Variants in NAV1 observed in about 807,000 individuals in gnomAD.
The protein encoded by NAV1 is pore membrane and/or filament interacting like protein 3.
A neutral mutation model predicts 175.2 loss-of-function variants in NAV1; 18 were observed. The ratio of observed to expected loss-of-function variants is 0.10; its 90% CI spans 0.07 to 0.15. NAV1 has a LOEUF of 0.15. Among genes scored for constraint, NAV1 ranks in the 10% least tolerant of loss-of-function variants. The pLI is 1.00. For synonymous variants in NAV1, 897 were observed against 978.7 expected, an observed-to-expected ratio of 0.92 and a Z score of 1.56; for missense variants, 1,731 against 2,436.6, an observed-to-expected ratio of 0.71 and a Z score of 6.10.
intron 1 of NAV1, among the ~76,000 whole-genome samples, chr1:201,550,117 C>G (rs1468884366): frequency 6.6e-6 from 1 of 151,538 alleles, no homozygotes; most frequent in Non-Finnish European, 1.5e-5. Flanking sequence ...CAACACCCTA[C>G]ATCCCACATG....
In NAV1 at chr1:201,781,764, C is replaced by T. The variant is rs181357687; in HGVS notation, c.1664-412C>T. Among the ~76,000 whole-genome samples the T allele has an allele frequency of 1.2e-3, 176 of 152,284 alleles. 2 individuals are homozygous for T. Among genetic ancestry groups the T allele is most frequent in the African/African-American group, 3.9e-3 (160 of 41,558 alleles). On this transcript the variant is annotated intron_variant, in intron 5 of 29. Transcript: ENST00000367296. ...ATTATAGTGCCCCCAAAGTTGGCCC[C>T]TTGGGTAACTTTTAGCCTTAATCAA...
intron 1 of NAV1, among the ~76,000 whole-genome samples, chr1:201,692,405 T>C (rs1670988128): frequency 6.6e-6 from 1 of 152,206 alleles, no homozygotes; most frequent in Non-Finnish European, 1.5e-5. Context: ...AGTTTTACTG[T>C]AGTTTTTTCA....
intron 3 of NAV1, chr1:201,739,895 G>C (rs1673291467): frequency 7.7e-7 from 1 of 1,291,062 alleles, no homozygotes; most frequent in Non-Finnish European, 9.9e-7. Flanking sequence ...GGGCAGGCGA[G>C]GGTTAGGTTT....
Position 201,808,473 on chromosome 1 carries a change from G to A in NAV1, c.3901G>A (p.Glu1301Lys), listed in dbSNP as rs187510120. 3 of 1,614,252 alleles carry A rather than the reference G, an allele frequency of 1.9e-6. No homozygotes were observed. In the East Asian group the frequency reaches 6.7e-5, roughly 36 times the overall value. ...GCTGTTCCATGCAAATGAGGAGGAG[G>A]AGCCAGAGAAGAAGGAGGTATCGGA... The change falls in exon 19 of 30, where the codon GAG (glutamate) becomes AAG (lysine). Residue 1301 changes from glutamate (E) to lysine (K), a missense_variant. Physicochemically the swap from Glu to Lys is moderately conservative, Grantham distance 56. Around this residue, in one of 13 missense-constraint regions of NAV1, gnomAD observed 146 missense variants for 176.8 expected, o/e 0.83. Coordinates refer to ENST00000367296, the Ensembl canonical transcript of NAV1. This position sits in a 1 kb window ranked among gnomAD's most constrained non-coding sequence, Gnocchi z 5.5.
At chr1:201,804,673 T>C (rs895672544) in intron 17 of NAV1, among the ~76,000 whole-genome samples, 176 bp downstream of exon 21, 2 of 149,718 alleles carry the variant, frequency 1.3e-5, no homozygotes, top group Non-Finnish European at 3.0e-5. Context: ...GCATGGTCCA[T>C]CCACAGCTGC....
rs80346442 is a variant in NAV1, at chr1:201,737,741, C to T, written c.1226+18986C>T. On this transcript the variant is annotated intron_variant, in intron 3 of 29. Transcript: ENST00000367296. The stretch of plus-strand genomic sequence containing the variant: ...TCTCCCTCCTTCCAGGCCCTCCCTG[C>T]TGAGAAAACCACAAAGGAGGAAACC... 5.6e-3 allele frequency among the ~76,000 whole-genome samples: 852 copies of T among 152,304 alleles called. 9 individuals are homozygous for T. The highest frequency in any genetic ancestry group is 0.019 in the African/African-American group (771 of 41,562).
chr1:201,808,798 T>G lies in NAV1; in HGVS notation c.4134T>G (p.Ser1378=). The G allele has an allele frequency of 6.2e-7, 1 of 1,614,136 alleles. No homozygotes were observed. The highest frequency in any genetic ancestry group is 2.2e-5 in the East Asian group (1 of 44,886). ...CTCCAGGGCAGGTCCCTGGATCATC[T>G]GCATTATCTTCCCCACGCCGCTCCC... The change falls in exon 20 of 30, where the codon TCT becomes TCG. Residue 1378 remains serine, a synonymous_variant. Coordinates refer to ENST00000367296, the Ensembl canonical transcript of NAV1. This position sits in a 1 kb window ranked among gnomAD's most constrained non-coding sequence, Gnocchi z 5.5.
intron 1 of NAV1, among the ~76,000 whole-genome samples, chr1:201,685,395 AGATGTGCAG>A (rs1455326172): frequency 2.0e-5 from 3 of 152,238 alleles, no homozygotes; most frequent in Non-Finnish European, 4.4e-5. Flanking sequence ...GCCCCATCAC[AGATGTGCAG>A]GATTTCCAGC....
In NAV1 at chr1:201,813,135, C is replaced by T. The variant is rs1678799403; in HGVS notation, c.5222-5C>T. On this transcript the variant is annotated splice_polypyrimidine_tract_variant and splice_region_variant and intron_variant, in intron 27 of 29. Transcript: ENST00000367296. The surrounding 1 kb of genome is among the most constrained non-coding windows in gnomAD (Gnocchi z 4.2). Reference sequence around the variant, plus strand: ...CCATCTTCATGGCCCCATCCTCTTCCCTAGGCCCTTGCTTCTTTCTGTCGT... The same window carrying T: ...CCATCTTCATGGCCCCATCCTCTTCTCTAGGCCCTTGCTTCTTTCTGTCGT... The T allele has an allele frequency of 6.2e-7, 1 of 1,610,446 alleles. No homozygotes were observed. Among genetic ancestry groups the T allele is most frequent in the Non-Finnish European group, 8.5e-7 (1 of 1,176,860 alleles).
intron 1 of NAV1, among the ~76,000 whole-genome samples, chr1:201,559,185 GCCCGTTTCC>G (rs996798926): frequency 2.0e-5 from 3 of 152,124 alleles, no homozygotes; most frequent in African/African-American, 7.2e-5. Context: ...GCCTTCTGGA[GCCCGTTTCC>G]CCTCTGTAAA....
At chr1:201,675,489 A>T (rs538606560) in intron 1 of NAV1, among the ~76,000 whole-genome samples, 1 of 152,180 alleles carries the variant, frequency 6.6e-6, no homozygotes, top group African/African-American at 2.4e-5. Context: ...TAGACAGTGC[A>T]CTTAGCCTGC....
chr1:201,680,910 T>C (rs1239502683), intron 1 of NAV1, among the ~76,000 whole-genome samples: 1 of 152,162 alleles, frequency 6.6e-6, no homozygotes, highest in African/African-American at 2.4e-5. Context: ...GCGCCCATGC[T>C]TCTTTACTTC....
At chr1:201,572,370 C>CTTT (rs558471603) in intron 1 of NAV1, among the ~76,000 whole-genome samples, 42 of 136,462 alleles carry the variant, frequency 3.1e-4, no homozygotes, top group African/African-American at 8.6e-4. Context: ...TTCTTTCTTT[C>CTTT]TTTTTTTTTT....
At chr1:201,602,724 G>A (rs531707824) in intron 2 of NAV1, among the ~76,000 whole-genome samples, 4 of 150,410 alleles carry the variant, frequency 2.7e-5, no homozygotes, top group African/African-American at 7.4e-5. Flanking sequence ...ACAGAGCCAG[G>A]CCTTCTGCAC....
intron 3 of NAV1, among the ~76,000 whole-genome samples, chr1:201,734,724 A>C (rs374269465): frequency 4.6e-5 from 7 of 151,886 alleles, no homozygotes; most frequent in African/African-American, 1.4e-4. Flanking sequence ...ACTCACACAC[A>C]CCCTGGCATC....
Position 201,782,849 on chromosome 1 carries a change from G to C in NAV1, c.2337G>C (p.Glu779Asp). The change falls in exon 6 of 30, where the codon GAG (glutamate) becomes GAC (aspartate). Residue 779 changes from glutamate (E) to aspartate (D), a missense_variant. Physicochemically the swap from Glu to Asp is conservative, Grantham distance 45. This residue lies in a region of NAV1 where 634 missense variants were observed against 766.8 expected (regional missense o/e 0.83). Coordinates refer to ENST00000367296, the Ensembl canonical transcript of NAV1. The surrounding 1 kb of genome is among the most constrained non-coding windows in gnomAD (Gnocchi z 5.4). ...ACCCCACAGCCACCAAGCTGGCAGA[G>C]CTGCCACCAACCCCTCTCAGGTACC... 6.3e-7 allele frequency: 1 copy of C among 1,588,026 alleles called. No homozygotes were observed. The highest frequency in any genetic ancestry group is 8.6e-7 in the Non-Finnish European group (1 of 1,165,714).
At chr1:201,811,027 A>G (rs1210288521) in intron 24 of NAV1, among the ~76,000 whole-genome samples, 1 of 151,518 alleles carries the variant, frequency 6.6e-6, no homozygotes, top group African/African-American at 2.4e-5. Context: ...TCCTCTCCAC[A>G]CTTTTCCTTG....
At chr1:201,768,417 C>T (rs1350271579) in intron 3 of NAV1, among the ~76,000 whole-genome samples, 3 of 150,914 alleles carry the variant, frequency 2.0e-5, no homozygotes, top group Admixed American at 6.6e-5. Context: ...GCAGGCAGAT[C>T]GCTTGAGCTC....
At chr1:201,551,261 CT>C (rs1158636110) in intron 1 of NAV1, among the ~76,000 whole-genome samples, 2 of 151,814 alleles carry the variant, frequency 1.3e-5, no homozygotes, top group African/African-American at 4.8e-5. Flanking sequence ...AAGGGTCTTA[CT>C]TTTTTGCCCA....
Sources: gnomAD v4.1 joint callset for allele counts (sites outside exome capture counted in the v4.1 genomes callset) on GRCh38, gnomAD v4.1.1 for gene constraint, gnomAD v4.1.1 regional missense constraint, Gnocchi (gnomAD v3.1) non-coding constraint, MANE v1.5 for transcripts, NCBI Gene and HGNC (gene_info 2026-07-23, HGNC 2026-07-21) for gene names.